Variants in JMJD1C observed in about 807,000 individuals in gnomAD.
The protein encoded by JMJD1C is jumonji domain-containing protein 1C.
In JMJD1C, 31 loss-of-function variants were observed where a neutral mutation model predicts 245.3. The ratio of observed to expected loss-of-function variants is 0.13; its 90% CI spans 0.09 to 0.17. The LOEUF (loss-of-function observed/expected upper bound fraction) is 0.17. JMJD1C is among the 10% of genes least tolerant of loss of function. JMJD1C has a pLI of 1.00. For synonymous variants in JMJD1C, 1,057 were observed against 1,017.4 expected, an observed-to-expected ratio of 1.04 and a Z score of -0.74; for missense variants, 2,691 against 3,000.2, an observed-to-expected ratio of 0.90 and a Z score of 2.41.
chr10:63,296,958 C>T (rs1029496748), intron 2 of JMJD1C, among the ~76,000 whole-genome samples: 2 of 152,088 alleles, frequency 1.3e-5, no homozygotes, highest in African/African-American at 4.8e-5. Flanking sequence ...CTTCAAAGTA[C>T]CTGTTACTAT....
chr10:63,433,706 C>T (rs1484180872), intron 1 of JMJD1C, among the ~76,000 whole-genome samples: 2 of 150,892 alleles, frequency 1.3e-5, no homozygotes, highest in African/African-American at 4.9e-5. Context: ...CCACCTCAGC[C>T]TCCCAAGTAG....
At chr10:63,446,267 C>A (rs1198059870) in intron 1 of JMJD1C, among the ~76,000 whole-genome samples, 1 of 152,060 alleles carries the variant, frequency 6.6e-6, no homozygotes, top group African/African-American at 2.4e-5. Flanking sequence ...AGGATGACTG[C>A]AAGGGACCTA....
intron 2 of JMJD1C, among the ~76,000 whole-genome samples, chr10:63,278,264 T>C (rs2133869230): frequency 6.6e-6 from 1 of 151,816 alleles, no homozygotes; most frequent in South Asian, 2.1e-4. Flanking sequence ...GGTAGGCAGA[T>C]CACTTGAGGT....
intron 1 of JMJD1C, among the ~76,000 whole-genome samples, chr10:63,407,592 C>T (rs764352825): frequency 6.6e-6 from 1 of 151,928 alleles, no homozygotes; most frequent in Non-Finnish European, 1.5e-5. Flanking sequence ...TACTCTATTA[C>T]ATACAAGTAG....
rs1283371105 is a variant in JMJD1C at position 63,208,859 on chromosome 10, C to T, written c.2868-58G>A. Reference sequence around the variant, plus strand: ...CACTTTTTCCTGCAAAATACAAAGACAGCTTCTATGCAATATCATTCTATT... The same window carrying T: ...CACTTTTTCCTGCAAAATACAAAGATAGCTTCTATGCAATATCATTCTATT... On this transcript the variant is annotated intron_variant, in intron 9 of 25. Transcript: ENST00000399262. 6.5e-5 allele frequency: 87 copies of T among 1,347,900 alleles called. 1 individual carries two copies. In the Admixed American group the frequency reaches 2.0e-3, roughly 30 times the overall value. 83.5% of individuals were successfully genotyped at this position (1,347,900 alleles called of 1,614,324 possible).
At chr10:63,247,238 T>C (rs1001987761) in intron 3 of JMJD1C, among the ~76,000 whole-genome samples, 9 of 149,772 alleles carry the variant, frequency 6.0e-5, no homozygotes, top group Non-Finnish European at 1.2e-4. Flanking sequence ...AAGACCCAAA[T>C]AAATTAGAAA....
At chr10:63,321,478 C>CAG in intron 2 of JMJD1C, among the ~76,000 whole-genome samples, 1 of 152,290 alleles carries the variant, frequency 6.6e-6, no homozygotes. Context: ...GGAGGATATC[C>CAG]AGCTCATGTC....
chr10:63,307,837 T>C (rs769307659), intron 2 of JMJD1C, among the ~76,000 whole-genome samples: 4 of 152,132 alleles, frequency 2.6e-5, no homozygotes, highest in Non-Finnish European at 5.9e-5. Flanking sequence ...CTGTGCTTCA[T>C]CATCATATCC....
chr10:63,208,857 G>A, intron 9 of JMJD1C, 56 bp from the exon 10 acceptor site: 5 of 1,376,110 alleles, frequency 3.6e-6, no homozygotes, highest in Admixed American at 2.3e-5. Flanking sequence ...AAAATACAAA[G>A]ACAGCTTCTA....
At chr10:63,182,363 G>A (rs895667883) in intron 22 of JMJD1C, among the ~76,000 whole-genome samples, 2 of 152,176 alleles carry the variant, frequency 1.3e-5, no homozygotes, top group African/African-American at 4.8e-5. Flanking sequence ...AGTAATAAAC[G>A]AACCAGAAAG....
intron 1 of JMJD1C, among the ~76,000 whole-genome samples, chr10:63,452,684 T>G (rs1952144404): frequency 6.6e-6 from 1 of 152,138 alleles, no homozygotes. Flanking sequence ...CTTCTACCCT[T>G]TGGTAGATAA....
At chr10:63,480,331 T>G (rs1049227263) in intron 1 of JMJD1C, among the ~76,000 whole-genome samples, 2 of 151,948 alleles carry the variant, frequency 1.3e-5, no homozygotes, top group Non-Finnish European at 2.9e-5. Flanking sequence ...TGATTTTTTT[T>G]TTTTTTTGAG....
At chr10:63,422,377 G>T (rs1950175775) in intron 1 of JMJD1C, among the ~76,000 whole-genome samples, 1 of 152,030 alleles carries the variant, frequency 6.6e-6, no homozygotes, top group East Asian at 1.9e-4. Flanking sequence ...CTCCAGCCTG[G>T]GCAACAGAGC....
intron 1 of JMJD1C, among the ~76,000 whole-genome samples, chr10:63,401,209 A>G (rs984626239): frequency 4.6e-5 from 7 of 151,972 alleles, no homozygotes; most frequent in African/African-American, 1.7e-4. Context: ...TTTAACCTCT[A>G]TTCTTTTCTA....
chr10:63,458,731 A>ATTTATTT, intron 1 of JMJD1C, among the ~76,000 whole-genome samples: 1 of 145,352 alleles, frequency 6.9e-6, no homozygotes, highest in South Asian at 2.1e-4. Context: ...TTATTTATTT[A>ATTTATTT]TTTTTTTTTT....
At chr10:63,468,729 C>G (rs1287391661), upstream of JMJD1C, among the ~76,000 whole-genome samples, 1 of 151,858 alleles carries the variant, frequency 6.6e-6, no homozygotes, top group Non-Finnish European at 1.5e-5. Flanking sequence ...TCAATTCAAG[C>G]AAACCTCCTA....
chr10:63,368,533 G>A (rs1038654916), intron 2 of JMJD1C, among the ~76,000 whole-genome samples: 3 of 152,136 alleles, frequency 2.0e-5, no homozygotes, highest in Non-Finnish European at 4.4e-5. Context: ...CCAGCATCCA[G>A]GTAAGGGTCA....
chr10:63,302,541 T>A (rs949708858), intron 2 of JMJD1C, among the ~76,000 whole-genome samples: 2 of 152,238 alleles, frequency 1.3e-5, no homozygotes, highest in African/African-American at 4.8e-5. Flanking sequence ...ATGTTTATCT[T>A]CACAGACAGC....
Position 63,250,068 on chromosome 10 carries a change from C to T in JMJD1C, c.447+14583G>A, listed in dbSNP as rs143254608. On this transcript the variant is annotated intron_variant, in intron 3 of 25. Transcript: ENST00000399262. ...TCTGTTACCTAGGCTGGTGTGCAAT[C>T]GCATAATCATAGCTCACTACAGCCC... Among the ~76,000 whole-genome samples the T allele has an allele frequency of 3.2e-3, 488 of 152,034 alleles. 2 individuals are homozygous for T. The highest frequency in any genetic ancestry group is 0.011 in the African/African-American group (472 of 41,452).
Sources: gnomAD v4.1 joint callset for allele counts (sites outside exome capture counted in the v4.1 genomes callset) on GRCh38, gnomAD v4.1.1 for gene constraint, MANE v1.5 for transcripts, NCBI Gene and HGNC (gene_info 2026-07-23, HGNC 2026-07-21) for gene names.